PTPN9: variants seen among roughly 807,000 people sequenced by gnomAD.
The protein encoded by PTPN9 is protein tyrosine phosphatase non-receptor type 9.
A neutral mutation model predicts 69.8 loss-of-function variants in PTPN9; 26 were observed. That is an observed-to-expected ratio of 0.37 (90% CI 0.27 to 0.52). The LOEUF (loss-of-function observed/expected upper bound fraction) is 0.52, where lower values mean the gene tolerates loss of function less well. Among genes scored for constraint, PTPN9 ranks in the 20% least tolerant of loss-of-function variants. The pLI, the probability that PTPN9 is intolerant of heterozygous loss-of-function variation, is 0.91. For synonymous variants in PTPN9, 274 were observed against 272.5 expected, an observed-to-expected ratio of 1.01 and a Z score of -0.05; for missense variants, 549 against 740.3, an observed-to-expected ratio of 0.74 and a Z score of 3.00.
intron 2 of PTPN9, 121 bp from the exon 3 acceptor site, chr15:75,524,419 T>A (rs909626879): frequency 7.4e-6 from 4 of 541,548 alleles, no homozygotes; most frequent in Non-Finnish European, 1.3e-5. Flanking sequence ...ATTATAAATT[T>A]CATAACTAAA....
At chr15:75,480,763 C>T (rs1048265147) in intron 8 of PTPN9, 65 of 1,178,772 alleles carry the variant, frequency 5.5e-5, no homozygotes, top group Non-Finnish European at 6.3e-5. Context: ...TTTGCCGCCG[C>T]GCCGGCGAGC....
intron 1 of PTPN9, among the ~76,000 whole-genome samples, chr15:75,537,568 A>T (rs2074988610): frequency 1.4e-5 from 2 of 146,416 alleles, no homozygotes; most frequent in South Asian, 4.4e-4. Flanking sequence ...CCTGGCCAAC[A>T]CGGTGAAACC....
At chr15:75,559,477 C>T (rs1408362856) in intron 1 of PTPN9, among the ~76,000 whole-genome samples, 1 of 152,194 alleles carries the variant, frequency 6.6e-6, no homozygotes, top group African/African-American at 2.4e-5. Context: ...TTGCCCCCAG[C>T]CCGATGCTCT....
At chr15:75,496,901 T>C (rs968860082) in intron 7 of PTPN9, among the ~76,000 whole-genome samples, 3 of 152,136 alleles carry the variant, frequency 2.0e-5, no homozygotes, top group South Asian at 4.1e-4. Flanking sequence ...GAACTGAGGG[T>C]AAAATAGGAA....
chr15:75,515,759 G>C (rs1162207682), intron 5 of PTPN9, among the ~76,000 whole-genome samples: 3 of 151,986 alleles, frequency 2.0e-5, no homozygotes, highest in Admixed American at 2.0e-4. Flanking sequence ...TTGGCCGGGC[G>C]GGGTGGCAGG....
intron 1 of PTPN9, among the ~76,000 whole-genome samples, chr15:75,559,140 C>T (rs1482302287): frequency 6.6e-6 from 1 of 151,912 alleles, no homozygotes; most frequent in African/African-American, 2.4e-5. Context: ...TCTGCCCCGC[C>T]GCCCCGTCTG....
At chr15:75,567,126 C>T (rs554962735) in intron 1 of PTPN9, among the ~76,000 whole-genome samples, 31 of 151,930 alleles carry the variant, frequency 2.0e-4, no homozygotes, top group African/African-American at 7.5e-4. Context: ...AGTGATTCTC[C>T]TGCCTCAACC....
chr15:75,563,906 A>G (rs904647621), intron 1 of PTPN9, among the ~76,000 whole-genome samples: 1 of 152,274 alleles, frequency 6.6e-6, no homozygotes, highest in Admixed American at 6.5e-5. Context: ...ATTTCTGCTT[A>G]TGATCTAAAA....
rs149119893 is a variant in PTPN9 at position 75,536,261 on chromosome 15, T to C, written c.64-9000A>G. Among the ~76,000 whole-genome samples, 1,422 of 152,300 alleles carry C rather than the reference T, an allele frequency of 9.3e-3. 14 individuals carry two copies. The highest frequency in any genetic ancestry group is 0.016 in the Non-Finnish European group (1,108 of 68,016). On this transcript the variant is annotated intron_variant, in intron 1 of 12. Transcript: ENST00000618819. Reference sequence around the variant, plus strand: ...ATTCTGTGCTAATCAGTACAGTAGTTGTTGAGAAGACACAACATAGATCGC... The same window carrying C: ...ATTCTGTGCTAATCAGTACAGTAGTCGTTGAGAAGACACAACATAGATCGC...
At chr15:75,482,554 G>T in intron 8 of PTPN9, among the ~76,000 whole-genome samples, 1 of 106,434 alleles carries the variant, frequency 9.4e-6, no homozygotes, top group East Asian at 3.2e-4. Flanking sequence ...GACAGAGCGA[G>T]ACTCCGTCTC....
intron 7 of PTPN9, among the ~76,000 whole-genome samples, chr15:75,504,904 C>A (rs992914279): frequency 6.6e-6 from 1 of 152,014 alleles, no homozygotes; most frequent in Non-Finnish European, 1.5e-5. Context: ...TGCCCAGCCA[C>A]CCCTACTAGG....
intron 1 of PTPN9, among the ~76,000 whole-genome samples, chr15:75,529,631 C>G (rs767192568): frequency 2.0e-5 from 3 of 152,052 alleles, no homozygotes; most frequent in African/African-American, 7.2e-5. Context: ...AAGGGAGGAC[C>G]GGGCACGGTG....
At chr15:75,504,197 G>C (rs1387656018) in intron 7 of PTPN9, among the ~76,000 whole-genome samples, 1 of 118,080 alleles carries the variant, frequency 8.5e-6, no homozygotes, top group Non-Finnish European at 1.8e-5. Context: ...CCCCATGTCC[G>C]GGAGGGAGGT....
At chr15:75,493,555 G>T (rs1430798492) in intron 7 of PTPN9, among the ~76,000 whole-genome samples, 1 of 152,070 alleles carries the variant, frequency 6.6e-6, no homozygotes, top group Non-Finnish European at 1.5e-5. Flanking sequence ...GAGGTCAGAA[G>T]TTTAAGACCA....
chr15:75,530,135 G>A (rs1417697855), intron 1 of PTPN9, among the ~76,000 whole-genome samples: 2 of 148,864 alleles, frequency 1.3e-5, no homozygotes. Flanking sequence ...CAGGAGGTGG[G>A]GTTGTAGTGA....
chr15:75,548,618 T>C (rs2075044154), intron 1 of PTPN9, among the ~76,000 whole-genome samples: 1 of 151,688 alleles, frequency 6.6e-6, no homozygotes. Context: ...GTTTTAATTT[T>C]TGTTTTTGTT....
At chr15:75,511,748 A>C (rs780792067) in intron 5 of PTPN9, among the ~76,000 whole-genome samples, 2 of 152,202 alleles carry the variant, frequency 1.3e-5, no homozygotes, top group Non-Finnish European at 2.9e-5. Flanking sequence ...AATATGACAT[A>C]GGTAATTTAA....
chr15:75,540,274 T>G (rs180884688), intron 1 of PTPN9, among the ~76,000 whole-genome samples: 360 of 152,172 alleles, frequency 2.4e-3, no homozygotes, highest in African/African-American at 8.3e-3. Flanking sequence ...TTAAAAATAA[T>G]GTGTGGCCGG....
intron 1 of PTPN9, among the ~76,000 whole-genome samples, chr15:75,559,001 T>G (rs573352388): frequency 1.8e-3 from 265 of 151,296 alleles, no homozygotes; most frequent in African/African-American, 6.1e-3. Context: ...TCGTCTGGGA[T>G]GTGAGGATCC....
Sources: allele counts gnomAD v4.1 joint callset (sites outside exome capture counted in the v4.1 genomes callset), GRCh38; gene constraint gnomAD v4.1.1; transcripts MANE v1.5; gene names NCBI Gene and HGNC (gene_info 2026-07-23, HGNC 2026-07-21).